The following CDK14 variants were observed in gnomAD, a reference collection of about 807,000 sequenced individuals.
The protein encoded by CDK14 is cyclin-dependent kinase 14.
Under a neutral mutation model 60.7 loss-of-function variants are expected in CDK14, and 34 were observed. The ratio of observed to expected loss-of-function variants is 0.56; its 90% confidence interval spans 0.43 to 0.75. The LOEUF (loss-of-function observed/expected upper bound fraction) is 0.75, where lower values mean the gene tolerates loss of function less well. Ranked by LOEUF, CDK14 falls within the 30% of genes least tolerant of loss-of-function variation. CDK14 has a pLI of 0.00. For missense variants in CDK14, 482 were observed against 564.1 expected (o/e 0.85, Z 1.47); for synonymous variants, 197 against 203.7 (o/e 0.97, Z 0.28).
chr7:91,166,640 C>G (rs186780312), intron 14 of CDK14, among the ~76,000 whole-genome samples: 1 of 152,196 alleles, frequency 6.6e-6, no homozygotes, highest in East Asian at 1.9e-4. Flanking sequence ...TAGAGGCATC[C>G]GAGTAATTTG....
At chr7:90,744,837 C>T (rs186470783) in intron 3 of CDK14, among the ~76,000 whole-genome samples, 23,475 of 38,260 alleles carry the variant, frequency 0.61, 4,779 homozygotes, top group Non-Finnish European at 0.64. Context: ...ACCTCCCTCC[C>T]GGACGGGGGC....
At chr7:90,936,379 G>A (rs1435031082) in intron 8 of CDK14, among the ~76,000 whole-genome samples, 1 of 152,122 alleles carries the variant, frequency 6.6e-6, no homozygotes, top group African/African-American at 2.4e-5. Context: ...ATTTTATATC[G>A]AAATCTAGTA....
rs1279740279 is a variant in CDK14, at chr7:90,955,604, G to A, written c.827-93G>A. 1.7e-5 allele frequency: 23 copies of A among 1,370,930 alleles called. 1 individual carries two copies. Among genetic ancestry groups the A allele is most frequent in the South Asian group, 1.6e-4 (13 of 80,296 alleles). 84.9% of individuals were successfully genotyped at this position (1,370,930 alleles called of 1,614,324 possible). A position where few individuals can be genotyped will look rare whatever the true frequency, so the allele number is the denominator to read the frequency against. ...ACTCCTGATTCTGTATTAAAAGGTCGGGTTTGACCTTTAAGAATGTGAACG... is the reference window on the plus strand; with the variant it reads ...ACTCCTGATTCTGTATTAAAAGGTCAGGTTTGACCTTTAAGAATGTGAACG... On this transcript the variant is annotated intron_variant, in intron 8 of 14. Coordinates refer to ENST00000380050, the MANE Select transcript of CDK14 (RefSeq NM_001287135.2).
intron 10 of CDK14, among the ~76,000 whole-genome samples, chr7:91,041,326 G>A (rs1056487642): frequency 6.6e-5 from 10 of 152,118 alleles, no homozygotes; most frequent in Admixed American, 6.5e-4. Flanking sequence ...GTGCTGAAGA[G>A]TTCCAAATGT....
At position 90,708,282 on chromosome 7, in the gene CDK14, T is replaced by C. The variant is rs886756327; in HGVS notation, c.124-18285T>C. On this transcript the variant is annotated intron_variant, in intron 2 of 14. Coordinates refer to ENST00000380050, the MANE Select transcript of CDK14 (RefSeq NM_001287135.2). ...TTTTATGAGGTGGTGTATGATTAAATCTTGAATGACTCAAATAAGAAGTGC... is the reference window on the plus strand; with the variant it reads ...TTTTATGAGGTGGTGTATGATTAAACCTTGAATGACTCAAATAAGAAGTGC... Among the ~76,000 whole-genome samples, 3 of 152,176 alleles carry C rather than the reference T, an allele frequency of 2.0e-5. No homozygotes were observed. In the East Asian group the frequency reaches 5.8e-4, roughly 29 times the overall value.
At chr7:91,009,404 A>G (rs1796086997) in intron 10 of CDK14, among the ~76,000 whole-genome samples, 1 of 152,198 alleles carries the variant, frequency 6.6e-6, no homozygotes, top group Non-Finnish European at 1.5e-5. Context: ...TGGAAAGCTC[A>G]ATCAATACGG....
At chr7:90,729,105 T>A (rs1476541348) in intron 3 of CDK14, among the ~76,000 whole-genome samples, 1 of 151,714 alleles carries the variant, frequency 6.6e-6, no homozygotes, top group African/African-American at 2.4e-5. Flanking sequence ...CAAGCCCCAG[T>A]TGAATTCTCT....
At chr7:90,681,191 A>C (rs754625816) in intron 2 of CDK14, among the ~76,000 whole-genome samples, 5 of 152,196 alleles carry the variant, frequency 3.3e-5, no homozygotes, top group Non-Finnish European at 7.3e-5. Context: ...AAACTATTAT[A>C]TATCGCCTGG....
chr7:90,996,917 G>C lies in CDK14; in HGVS notation c.1041+12676G>C, dbSNP rs114841210. ...AGTATTGTCATATTTTACCTTTCAT[G>C]TTGGTCAATCCCTGGTAAAGATGCA... On this transcript the variant is annotated intron_variant, in intron 10 of 14. Coordinates refer to ENST00000380050, the MANE Select transcript of CDK14 (RefSeq NM_001287135.2). Among the ~76,000 whole-genome samples, 1,237 of 152,260 alleles carry C rather than the reference G, an allele frequency of 8.1e-3. 26 individuals are homozygous for C. The highest frequency in any genetic ancestry group is 0.026 in the African/African-American group (1,071 of 41,556).
chr7:90,986,407 C>G (rs1795372831), intron 10 of CDK14, among the ~76,000 whole-genome samples: 1 of 151,960 alleles, frequency 6.6e-6, no homozygotes, highest in Non-Finnish European at 1.5e-5. Context: ...CATTTAAACT[C>G]ATGAAACCTA....
chr7:91,071,024 C>G (rs1016969940), intron 11 of CDK14, among the ~76,000 whole-genome samples: 2 of 151,850 alleles, frequency 1.3e-5, no homozygotes, highest in East Asian at 3.9e-4. Context: ...TGATTTTTAC[C>G]GAATCCTGGC....
chr7:90,868,133 AAAAC>A (rs914443526), intron 6 of CDK14, among the ~76,000 whole-genome samples: 12 of 152,140 alleles, frequency 7.9e-5, no homozygotes, highest in African/African-American at 1.9e-4. Context: ...TTGTCTCTAA[AAAAC>A]AAACAAACTA....
In CDK14 at chr7:91,071,977, A is replaced by G. The variant is rs538811705; in HGVS notation, c.1106-7455A>G. 3.7e-4 allele frequency among the ~76,000 whole-genome samples: 57 copies of G among 152,312 alleles called. No individual in the cohort carries two copies. The South Asian group carries it at 0.011, about 29-fold the overall frequency. On this transcript the variant is annotated intron_variant, in intron 11 of 14. Coordinates refer to ENST00000380050, the MANE Select transcript of CDK14 (RefSeq NM_001287135.2). ...ACGGGGCATCCCTGCAGGAACTCCA[A>G]CAACTCCAGGCAGGGGCTCAGGGGC...
At chr7:91,089,769 C>T (rs543941372) in intron 12 of CDK14, among the ~76,000 whole-genome samples, 1 of 152,278 alleles carries the variant, frequency 6.6e-6, no homozygotes, top group Non-Finnish European at 1.5e-5. Context: ...CTCAGCCTAC[C>T]TTGGAGGCTA....
chr7:90,887,569 A>G (rs1217898062), intron 6 of CDK14, among the ~76,000 whole-genome samples: 3 of 152,130 alleles, frequency 2.0e-5, no homozygotes, highest in Non-Finnish European at 4.4e-5. Flanking sequence ...TTTTCAAACT[A>G]TTTCTCCCAT....
chr7:90,785,655 TG>T (rs1221138554), intron 4 of CDK14, among the ~76,000 whole-genome samples: 1 of 151,670 alleles, frequency 6.6e-6, no homozygotes, highest in Non-Finnish European at 1.5e-5. Flanking sequence ...GGCGTGGTGG[TG>T]GGCGCCTGTA....
chr7:91,076,843 A>C (rs961061879), intron 11 of CDK14, among the ~76,000 whole-genome samples: 40 of 152,292 alleles, frequency 2.6e-4, no homozygotes, highest in African/African-American at 9.6e-4. Flanking sequence ...CAAAGGATAC[A>C]AACAGAAATT....
chr7:91,171,899 G>A (rs980055689), intron 14 of CDK14, among the ~76,000 whole-genome samples: 2 of 152,180 alleles, frequency 1.3e-5, no homozygotes, highest in Non-Finnish European at 2.9e-5. Flanking sequence ...CACCCACCTC[G>A]ACCTCTCAAA....
At chr7:90,645,529 G>GT (rs1202705911) in intron 2 of CDK14, among the ~76,000 whole-genome samples, 2 of 151,854 alleles carry the variant, frequency 1.3e-5, no homozygotes, top group African/African-American at 4.8e-5. Context: ...TTGGTTGACG[G>GT]TTTTTTTCTT....
Sources: gnomAD v4.1 joint callset for allele counts (sites outside exome capture counted in the v4.1 genomes callset) on GRCh38, gnomAD v4.1.1 for gene constraint, MANE v1.5 for transcripts, NCBI Gene and HGNC (gene_info 2026-07-23, HGNC 2026-07-21) for gene names.